ADAM23: variants seen among roughly 807,000 people sequenced by gnomAD.
ADAM23 encodes disintegrin and metalloproteinase domain-containing protein 23.
In ADAM23, 33 loss-of-function variants were observed where a neutral mutation model predicts 120.1. That is an observed-to-expected ratio of 0.27 (90% confidence interval 0.21 to 0.37). The LOEUF (loss-of-function observed/expected upper bound fraction) is 0.37, where lower values mean the gene tolerates loss of function less well. ADAM23 is among the 10% of genes least tolerant of loss of function. The pLI is 1.00. For synonymous variants in ADAM23, 367 were observed against 375.2 expected (o/e 0.98, Z 0.25); for missense variants, 862 against 1,058.2 (o/e 0.81, Z 2.57).
At chr2:206,575,167 T>C (rs1698087004) in intron 18 of ADAM23, among the ~76,000 whole-genome samples, 5 of 151,992 alleles carry the variant, frequency 3.3e-5, no homozygotes, top group African/African-American at 1.2e-4. Context: ...AAATAGTGAG[T>C]ACAGAAGCTT....
intron 3 of ADAM23, 90 bp from the exon 4 acceptor site, chr2:206,530,795 A>C: frequency 2.0e-6 from 2 of 1,025,392 alleles, no homozygotes; most frequent in Non-Finnish European, 2.9e-6. Flanking sequence ...TCTGGTTTGC[A>C]TGCCCCTCAC....
intron 4 of ADAM23, among the ~76,000 whole-genome samples, chr2:206,540,651 C>T (rs1274409972): frequency 1.3e-5 from 2 of 152,012 alleles, no homozygotes; most frequent in African/African-American, 2.4e-5. Context: ...TTTTCATGCT[C>T]TGCTAAGTTC....
In ADAM23 at chr2:206,502,002, A is replaced by G. The variant is rs186344405; in HGVS notation, c.509+20694A>G. 4.9e-3 allele frequency among the ~76,000 whole-genome samples: 751 copies of G among 152,276 alleles called. 2 individuals carry two copies. Among genetic ancestry groups the G allele is most frequent in the Middle Eastern group, 0.014 (4 of 294 alleles). On this transcript the variant is annotated intron_variant, in intron 3 of 25. Coordinates refer to ENST00000264377, the MANE Select transcript of ADAM23 (RefSeq NM_003812.4). ...AATATTAGTTTATTCTAAAAATTAA[A>G]TTTGATGCCAAAAATTAATTTGTAT...
intron 3 of ADAM23, among the ~76,000 whole-genome samples, chr2:206,485,065 G>A (rs1252886055): frequency 6.6e-6 from 1 of 152,132 alleles, no homozygotes; most frequent in Non-Finnish European, 1.5e-5. Flanking sequence ...TCTCAGGTAT[G>A]TCTTTATGAG....
At chr2:206,492,253 C>A (rs1696150192) in intron 3 of ADAM23, among the ~76,000 whole-genome samples, 1 of 152,066 alleles carries the variant, frequency 6.6e-6, no homozygotes, top group African/African-American at 2.4e-5. Context: ...CAACTCAGGC[C>A]TAAAGCATGT....
At chr2:206,497,454 C>G (rs542501597) in intron 3 of ADAM23, among the ~76,000 whole-genome samples, 32 of 152,092 alleles carry the variant, frequency 2.1e-4, no homozygotes, top group Non-Finnish European at 4.3e-4. Flanking sequence ...ATTCAACAAC[C>G]CTTCATGCTA....
intron 6 of ADAM23, among the ~76,000 whole-genome samples, chr2:206,546,441 G>A (rs1230370920): frequency 6.6e-6 from 1 of 152,100 alleles, no homozygotes; most frequent in Non-Finnish European, 1.5e-5. Context: ...TATCTCTCAA[G>A]TAATAAATGA....
Position 206,573,179 on chromosome 2 carries a change from C to A in ADAM23, c.1721C>A (p.Thr574Asn). 5 of 1,613,858 alleles carry A rather than the reference C, an allele frequency of 3.1e-6. No individual in the cohort carries two copies. Among genetic ancestry groups the A allele is most frequent in the Non-Finnish European group, 4.2e-6 (5 of 1,179,824 alleles). ...GAGTGTGATATTACTGAATATTGTA[C>A]TGGAGACTCTGGTCAGGTATGGCGC... ...VNECDITEYC[T>N]GDSGQCPPNL... The change falls in exon 18 of 26, where the codon ACT becomes AAT. Residue 574 changes from threonine (T) to asparagine (N), a missense_variant. By Grantham distance (65) the Thr-to-Asn change is moderately conservative (BLOSUM62 0). Around this residue, in one of 4 missense-constraint regions of ADAM23, gnomAD observed 617 missense variants for 813.5 expected, o/e 0.76. Transcript: ENST00000264377.
chr2:206,615,824 G>A (rs775644848), intron 25 of ADAM23, among the ~76,000 whole-genome samples: 2 of 152,218 alleles, frequency 1.3e-5, no homozygotes, highest in East Asian at 1.9e-4. Context: ...GCGGTTGTCT[G>A]TGTGCCAGGC....
At position 206,468,439 on chromosome 2, in the gene ADAM23, A is replaced by AT. The variant is rs746834080; in HGVS notation, c.433-12792dup. 1.4e-4 allele frequency among the ~76,000 whole-genome samples: 21 copies of AT among 152,298 alleles called. No homozygotes were observed. The Middle Eastern group carries it at 0.01, about 74-fold the overall frequency. Reference sequence around the variant, plus strand: ...CTCTCTCAAGTTCAAAGTTCCATGGATCCCCAAGGCAGGGGCACAGTCCAG... The same window carrying AT: ...CTCTCTCAAGTTCAAAGTTCCATGGATTCCCCAAGGCAGGGGCACAGTCCAG... On this transcript the variant is annotated intron_variant, in intron 2 of 25. Coordinates refer to ENST00000264377, the MANE Select transcript of ADAM23 (RefSeq NM_003812.4).
chr2:206,554,732 A>G (rs1273703454), intron 9 of ADAM23, among the ~76,000 whole-genome samples: 1 of 152,112 alleles, frequency 6.6e-6, no homozygotes, highest in East Asian at 1.9e-4. Flanking sequence ...TTATTTGGGG[A>G]TAATAAAACC....
intron 2 of ADAM23, among the ~76,000 whole-genome samples, chr2:206,456,964 G>C (rs925937794): frequency 1.3e-5 from 2 of 152,102 alleles, no homozygotes. Flanking sequence ...CGGGTGCTTT[G>C]TGCTGTCTTT....
chr2:206,519,321 A>G (rs1261806702), intron 3 of ADAM23, among the ~76,000 whole-genome samples: 1 of 152,206 alleles, frequency 6.6e-6, no homozygotes, highest in South Asian at 2.1e-4. Context: ...TAATTTTCAG[A>G]GGTATCTTAG....
Position 206,481,269 on chromosome 2 carries a change from C to T in ADAM23, c.470C>T (p.Ala157Val), listed in dbSNP as rs753145912. ...GCCCAGGCAAGCTTCCAGATTGAAG[C>T]CTTCGGCTCCAAATTCATTCTTGAC... ...HLAQASFQIE[A>V]FGSKFILDLI... The change falls in exon 3 of 26, where the codon GCC becomes GTC. Residue 157 changes from alanine (A) to valine (V), a missense_variant. Transcript: ENST00000264377. 1.2e-6 allele frequency: 2 copies of T among 1,609,764 alleles called. No homozygotes were observed. The highest frequency in any genetic ancestry group is 3.4e-5 in the Admixed American group (2 of 59,102).
chr2:206,475,230 A>G (rs1423864501), intron 2 of ADAM23, among the ~76,000 whole-genome samples: 5 of 152,216 alleles, frequency 3.3e-5, no homozygotes, highest in African/African-American at 1.2e-4. Context: ...TATTATTTTT[A>G]TCATAACACA....
chr2:206,482,387 T>C (rs1035063478), intron 3 of ADAM23, among the ~76,000 whole-genome samples: 6 of 152,206 alleles, frequency 3.9e-5, no homozygotes, highest in Admixed American at 1.3e-4. Context: ...TTACACTATG[T>C]TGAGTGGCAA....
intron 2 of ADAM23, among the ~76,000 whole-genome samples, chr2:206,464,827 C>CA (rs1355620256): frequency 1.3e-5 from 2 of 152,016 alleles, no homozygotes; most frequent in South Asian, 4.1e-4. Flanking sequence ...AAATGTACCA[C>CA]AGGGCACAGG....
At chr2:206,511,629 G>A (rs111980742) in intron 3 of ADAM23, among the ~76,000 whole-genome samples, 4 of 152,164 alleles carry the variant, frequency 2.6e-5, no homozygotes, top group East Asian at 1.9e-4. Flanking sequence ...GCAAGCAGGC[G>A]TTTGAACTTT....
intron 4 of ADAM23, among the ~76,000 whole-genome samples, chr2:206,538,783 T>C (rs1329237207): frequency 6.6e-6 from 1 of 152,166 alleles, no homozygotes; most frequent in East Asian, 1.9e-4. Context: ...ATTATCATTA[T>C]TATTTTTTAT....
Sources: allele counts gnomAD v4.1 joint callset (sites outside exome capture counted in the v4.1 genomes callset), GRCh38; gene constraint gnomAD v4.1.1; regional missense constraint gnomAD v4.1.1; transcripts MANE v1.5; gene names NCBI Gene and HGNC (gene_info 2026-07-23, HGNC 2026-07-21).